MTCH1: variants seen among roughly 807,000 people sequenced by gnomAD.
MTCH1 encodes mitochondrial carrier 1, also known as mitochondrial carrier homolog 1.
A neutral mutation model predicts 49.3 loss-of-function variants in MTCH1; 23 were observed. The observed-to-expected ratio is 0.47, with a 90% confidence interval of 0.34 to 0.66. MTCH1 has a LOEUF of 0.66. Among genes scored for constraint, MTCH1 ranks in the 30% least tolerant of loss-of-function variants. The pLI, the probability that MTCH1 is intolerant of heterozygous loss-of-function variation, is 0.01. For synonymous variants in MTCH1, 229 were observed against 215.2 expected (o/e 1.06, Z -0.56); for missense variants, 397 against 532.1 (o/e 0.75, Z 2.50).
At chr6:36,978,664 C>T (rs1324843807) in intron 2 of MTCH1, 53 bp from the exon 3 acceptor site, 7 of 1,522,742 alleles carry the variant, frequency 4.6e-6, no homozygotes, top group Non-Finnish European at 5.4e-6. Context: ...GGGGCACCCA[C>T]TCCTGGGTCA....
At chr6:36,970,817 C>A in intron 8 of MTCH1, 123 bp from the exon 9 acceptor site, 1 of 1,095,764 alleles carries the variant, frequency 9.1e-7, no homozygotes, top group Admixed American at 2.0e-5. Context: ...CATGCCTTTC[C>A]TGTCAGCCCT....
chr6:36,978,267 G>T, intron 3 of MTCH1, 112 bp from the exon 4 acceptor site: 1 of 1,022,608 alleles, frequency 9.8e-7, no homozygotes, highest in East Asian at 2.5e-5. Context: ...GTGTCTATTG[G>T]CTGGGCCCAC....
At chr6:36,974,969 C>G (rs933921247) in intron 7 of MTCH1, among the ~76,000 whole-genome samples, 1 of 152,176 alleles carries the variant, frequency 6.6e-6, no homozygotes, top group South Asian at 2.1e-4. Context: ...TCTGTCTGCA[C>G]CTTATTCTTT....
intron 6 of MTCH1, among the ~76,000 whole-genome samples, chr6:36,976,896 G>A (rs993227997): frequency 3.9e-5 from 6 of 152,216 alleles, no homozygotes; most frequent in African/African-American, 1.4e-4. Context: ...CCCCAGCTCA[G>A]TCCTAAGTGG....
chr6:36,970,534 C>A (rs1554142613), intron 9 of MTCH1, 61 bp from the exon 10 acceptor site: 3 of 1,607,792 alleles, frequency 1.9e-6, no homozygotes, highest in South Asian at 2.2e-5. Flanking sequence ...CAGGGACACA[C>A]CACGCCAACA....
Position 36,977,757 on chromosome 6 carries a change from G to T in MTCH1, c.592-66C>A. 7.1e-7 allele frequency: 1 copy of T among 1,410,438 alleles called. No individual in the cohort carries two copies. Among genetic ancestry groups the T allele is most frequent in the East Asian group, 2.4e-5 (1 of 40,868 alleles). The allele number at this position is 1,410,438 out of a possible 1,614,324, so 87.4% of individuals were successfully genotyped here. ...TGTCTCTGGAACTGGCCCTCGAGGG[G>T]AGCTACAAGTGCTCAGGAGGGAGAA... On this transcript the variant is annotated intron_variant, in intron 4 of 11. Coordinates refer to ENST00000373627, the MANE Select transcript of MTCH1 (RefSeq NM_001271641.2). This position sits in a 1 kb window ranked among gnomAD's most constrained non-coding sequence, Gnocchi z 5.4.
At chr6:36,976,810 A>C (rs1170434089) in intron 6 of MTCH1, among the ~76,000 whole-genome samples, 1 of 152,144 alleles carries the variant, frequency 6.6e-6, no homozygotes, top group African/African-American at 2.4e-5. Flanking sequence ...GCTTCTTCAT[A>C]GGGGATAAAA....
At chr6:36,986,413 G>A, upstream of MTCH1, 1 of 332,950 alleles carries the variant, frequency 3.0e-6, no homozygotes, top group Non-Finnish European at 5.4e-6. Flanking sequence ...GAGCTGTGGC[G>A]GCAGCCGCAG....
In MTCH1 at chr6:36,977,619, A is replaced by AG. The variant is rs1344321124; in HGVS notation, c.649+14dup. On this transcript the variant is annotated intron_variant, in intron 5 of 11. Transcript: ENST00000373627. The surrounding 1 kb of genome is among the most constrained non-coding windows in gnomAD (Gnocchi z 5.4). Reference sequence around the variant, plus strand: ...CCAGCTTAGATACAGTCTCGGGGGAAGGGGGGTGGCTTACCATGCAGGGGG... The same window carrying AG: ...CCAGCTTAGATACAGTCTCGGGGGAAGGGGGGGTGGCTTACCATGCAGGGGG... The AG allele has an allele frequency of 3.2e-6, 5 of 1,565,476 alleles. No individual in the cohort carries two copies. The South Asian group carries it at 3.4e-5, about 11-fold the overall frequency.
rs1018610583 is a variant in MTCH1, at chr6:36,968,671, C to T, written c.*232G>A. On this transcript the variant is annotated 3_prime_UTR_variant, in exon 12 of 12. Coordinates refer to ENST00000373627, the MANE Select transcript of MTCH1 (RefSeq NM_001271641.2). ...AGGTATGGGGATTCTGCCAACTCCC[C>T]ACCTCGCCTCACCTTCCCTAGGTCT... The T allele has an allele frequency of 6.2e-6, 4 of 647,172 alleles. No individual in the cohort carries two copies. Among genetic ancestry groups the T allele is most frequent in the Non-Finnish European group, 8.6e-6 (3 of 349,538 alleles). The allele number at this position is 647,172 out of a possible 1,614,324, so 40.1% of individuals were successfully genotyped here.
rs913681984 is a variant in MTCH1, at chr6:36,968,547, C to T, written c.*356G>A. The stretch of plus-strand genomic sequence containing the variant: ...GCGCTGGGCTGACTGGAGGGGTAGA[C>T]GGGGTGGGGTCTGACCCCATTAGCC... On this transcript the variant is annotated 3_prime_UTR_variant, in exon 12 of 12. Transcript: ENST00000373627. The T allele has an allele frequency of 3.0e-5, 11 of 372,170 alleles. No individual in the cohort carries two copies. Among genetic ancestry groups the T allele is most frequent in the Admixed American group, 1.8e-4 (5 of 27,604 alleles). The allele number at this position is 372,170 out of a possible 1,614,324, so 23.1% of individuals were successfully genotyped here.
Position 36,972,836 on chromosome 6 carries a change from A to C in MTCH1, c.762-40T>G. ...AAGCAGAGATGAGCAGGAGAGGGAGAGGAGCAGTTCCTGGGGGCTCCACAC... is the reference window on the plus strand; with the variant it reads ...AAGCAGAGATGAGCAGGAGAGGGAGCGGAGCAGTTCCTGGGGGCTCCACAC... On this transcript the variant is annotated intron_variant, in intron 7 of 11. Coordinates refer to ENST00000373627, the MANE Select transcript of MTCH1 (RefSeq NM_001271641.2). The surrounding 1 kb of genome is among the most constrained non-coding windows in gnomAD (Gnocchi z 4.1). 1 of 1,524,814 alleles carries C rather than the reference A, an allele frequency of 6.6e-7. No individual in the cohort carries two copies. Among genetic ancestry groups the C allele is most frequent in the South Asian group, 1.2e-5 (1 of 82,778 alleles). The allele number at this position is 1,524,814 out of a possible 1,614,324, so 94.5% of individuals were successfully genotyped here.
At position 36,972,587 on chromosome 6, in the gene MTCH1, GTT is replaced by G. The variant is rs1763721216; in HGVS notation, c.906+63_906+64del. 6 of 1,498,608 alleles carry G rather than the reference GTT, an allele frequency of 4.0e-6. No individual in the cohort carries two copies. The East Asian group carries it at 1.5e-4, about 37-fold the overall frequency. 92.8% of individuals were successfully genotyped at this position (1,498,608 alleles called of 1,614,324 possible). Reference sequence around the variant, plus strand: ...ATGCTGAGAATCCCAGAATCCTTGAGTTTGTCCCAGACCCTGGGCATCAGCAG... The same window carrying G: ...ATGCTGAGAATCCCAGAATCCTTGAGTGTCCCAGACCCTGGGCATCAGCAG... On this transcript the variant is annotated intron_variant, in intron 8 of 11. Coordinates refer to ENST00000373627, the MANE Select transcript of MTCH1 (RefSeq NM_001271641.2). The surrounding 1 kb of genome is among the most constrained non-coding windows in gnomAD (Gnocchi z 4.1).
At chr6:36,979,523 T>C (rs1764014586) in intron 2 of MTCH1, among the ~76,000 whole-genome samples, 1 of 152,176 alleles carries the variant, frequency 6.6e-6, no homozygotes, top group African/African-American at 2.4e-5. Context: ...AAGAAGCAAA[T>C]ATGCCTTTTG....
At position 36,975,624 on chromosome 6, in the gene MTCH1, C is replaced by T. The variant is rs752062926; in HGVS notation, c.761+34G>A. On this transcript the variant is annotated intron_variant, in intron 7 of 11. Coordinates refer to ENST00000373627, the MANE Select transcript of MTCH1 (RefSeq NM_001271641.2). The stretch of plus-strand genomic sequence containing the variant: ...ACACACCTGTTAGCAGAGCCATGCC[C>T]GTGGCCAGTTATGGGGTGTATAAAC... The T allele has an allele frequency of 4.4e-6, 7 of 1,604,634 alleles. No homozygotes were observed. The South Asian group carries it at 4.4e-5, about 10-fold the overall frequency.
intron 8 of MTCH1, among the ~76,000 whole-genome samples, chr6:36,971,967 C>G (rs1339828752): frequency 6.6e-6 from 1 of 152,214 alleles, no homozygotes; most frequent in African/African-American, 2.4e-5. Flanking sequence ...AAGGACCAGG[C>G]CTTCCTATGC....
chr6:36,986,213 GC>G, upstream of MTCH1: 1 of 1,394,016 alleles, frequency 7.2e-7, no homozygotes, highest in South Asian at 1.5e-5. Context: ...ACGTGACGGG[GC>G]CACGCCCCCT....
At chr6:36,980,103 G>T (rs901299310) in intron 2 of MTCH1, among the ~76,000 whole-genome samples, 1 of 152,160 alleles carries the variant, frequency 6.6e-6, no homozygotes, top group African/African-American at 2.4e-5. Context: ...GCCAAATGGC[G>T]GGTCCCCTCT....
At position 36,975,659 on chromosome 6, in the gene MTCH1, C is replaced by A. The variant is rs183558462; in HGVS notation, c.760G>T (p.Val254Phe). 2 of 1,614,040 alleles carry A rather than the reference C, an allele frequency of 1.2e-6. No homozygotes were observed. Among genetic ancestry groups the A allele is most frequent in the Non-Finnish European group, 1.7e-6 (2 of 1,179,926 alleles). ...TATGGGGTGTATAAACTCACGTACA[C>A]GAAGAATCCCAGCAGCCCTTCCTCT... is the stretch of plus-strand genomic sequence containing the variant. The part of the protein sequence containing the change: ...FKEEGLLGFF[V>F]GLIPHLLGDV... The change falls in exon 7 of 12, where the codon GTT becomes TTT. Residue 254 changes from valine (V) to phenylalanine (F), a missense_variant and splice_region_variant. By Grantham distance (50) the Val-to-Phe change is conservative. This residue lies in a region of MTCH1 where 252 missense variants were observed against 388.3 expected (regional missense o/e 0.65). Coordinates refer to ENST00000373627, the MANE Select transcript of MTCH1 (RefSeq NM_001271641.2).
Sources: gnomAD v4.1 joint callset for allele counts (sites outside exome capture counted in the v4.1 genomes callset) on GRCh38, gnomAD v4.1.1 for gene constraint, gnomAD v4.1.1 regional missense constraint, Gnocchi (gnomAD v3.1) non-coding constraint, MANE v1.5 for transcripts, NCBI Gene and HGNC (gene_info 2026-07-23, HGNC 2026-07-21) for gene names.